Variants in GPATCH8 observed in about 807,000 individuals in gnomAD.
The protein encoded by GPATCH8 is G patch domain-containing protein 8.
A neutral mutation model predicts 118.3 loss-of-function variants in GPATCH8; 18 were observed. The ratio of observed to expected loss-of-function variants is 0.15; its 90% CI spans 0.11 to 0.23. GPATCH8 has a LOEUF of 0.23. Ranked by LOEUF, GPATCH8 falls within the 10% of genes least tolerant of loss-of-function variation. The probability of loss-of-function intolerance (pLI) is 1.00; values close to 1 mark genes in which losing one functional copy is unlikely to be tolerated. For missense variants in GPATCH8, 1,631 were observed against 1,873.8 expected, an observed-to-expected ratio of 0.87 and a Z score of 2.39; for synonymous variants, 659 against 684.7, an observed-to-expected ratio of 0.96 and a Z score of 0.59.
In GPATCH8 at chr17:44,398,024, T is replaced by C; in HGVS notation, c.4053A>G (p.Pro1351=). 1 of 1,614,012 alleles carries C rather than the reference T, an allele frequency of 6.2e-7. No homozygotes were observed. The highest frequency in any genetic ancestry group is 8.5e-7 in the Non-Finnish European group (1 of 1,179,920). The stretch of plus-strand genomic sequence containing the variant: ...GGATGGGTTGCAGGGCTGGTGTGGC[T>C]GGGGCCAGGGCAGCTGAGGCTGGAA... The part of the protein sequence containing the change: ...KAFPASAALA[P]ATPALQPIHI... The change falls in exon 8 of 8, where the codon CCA becomes CCG. Residue 1351 remains proline (P), a synonymous_variant. Coordinates refer to ENST00000591680, the MANE Select transcript of GPATCH8 (RefSeq NM_001002909.4).
chr17:44,483,801 T>A (rs1402262548), intron 1 of GPATCH8, among the ~76,000 whole-genome samples: 1 of 148,694 alleles, frequency 6.7e-6, no homozygotes, highest in Non-Finnish European at 1.5e-5. Context: ...ACTACCAGGC[T>A]CGGCTAATTT....
At chr17:44,501,333 C>A (rs1970049981) in intron 1 of GPATCH8, among the ~76,000 whole-genome samples, 1 of 151,832 alleles carries the variant, frequency 6.6e-6, no homozygotes, top group Admixed American at 6.6e-5. Context: ...AGAAGAATTG[C>A]TTGAACCCGG....
chr17:44,458,984 T>C (rs2051445568), intron 3 of GPATCH8, among the ~76,000 whole-genome samples: 1 of 152,232 alleles, frequency 6.6e-6, no homozygotes, highest in Non-Finnish European at 1.5e-5. Flanking sequence ...GGAATCTATG[T>C]GGGGTAAGGA....
rs149956556 is a variant in GPATCH8, at chr17:44,399,486, C to T, written c.2591G>A (p.Arg864His). ...SRSGRRHSSH[R>H]SSRRSYSSSS... Reference sequence around the variant, plus strand: ...ACTTGAGTAAGAACGCCGGGAGGAACGATGCGAGGAATGGCGCCGGCCAGA... The same window carrying T: ...ACTTGAGTAAGAACGCCGGGAGGAATGATGCGAGGAATGGCGCCGGCCAGA... The change falls in exon 8 of 8, where the codon CGT becomes CAT. Residue 864 changes from arginine (R) to histidine (H), a missense_variant. Arg to His is a conservative substitution (Grantham distance 29). Transcript: ENST00000591680. 1,829 of 1,614,200 alleles carry T rather than the reference C, an allele frequency of 1.1e-3. 41 individuals carry two copies. The Admixed American group carries it at 0.026, about 23-fold the overall frequency.
At chr17:44,432,727 T>A (rs1042252254) in intron 5 of GPATCH8, among the ~76,000 whole-genome samples, 4 of 152,022 alleles carry the variant, frequency 2.6e-5, no homozygotes, top group Non-Finnish European at 4.4e-5. Flanking sequence ...AGAAAAAATA[T>A]AGGAGAATAA....
At chr17:44,474,996 C>CT (rs960355933) in intron 1 of GPATCH8, 93 bp from the exon 2 acceptor site, 11,778 of 609,556 alleles carry the variant, frequency 0.019, 1 homozygote, top group Non-Finnish European at 0.022. Flanking sequence ...TTTAACTTTT[C>CT]TTTTTTTTTT....
At chr17:44,460,952 T>C (rs945396691) in intron 3 of GPATCH8, among the ~76,000 whole-genome samples, 38 of 152,352 alleles carry the variant, frequency 2.5e-4, no homozygotes, top group African/African-American at 8.2e-4. Context: ...TGTACACTGC[T>C]GAATCCGACA....
rs1598396699 is a variant in GPATCH8, at chr17:44,398,462, T to G, written c.3615A>C (p.Pro1205=). ...SEETTGPLLD[P]PPEESKSGEA... ...CTCCAGACTTTGACTCTTCTGGGGG[T>G]GGGTCTAATAAGGGGCCAGTTGTTT... The change falls in exon 8 of 8, where the codon CCA becomes CCC. Residue 1205 remains proline (P), a synonymous_variant. Coordinates refer to ENST00000591680, the MANE Select transcript of GPATCH8 (RefSeq NM_001002909.4). The G allele has an allele frequency of 6.2e-7, 1 of 1,611,562 alleles. No homozygotes were observed. The highest frequency in any genetic ancestry group is 1.1e-5 in the South Asian group (1 of 90,768).
chr17:44,441,412 T>G (rs1298489119), intron 3 of GPATCH8, among the ~76,000 whole-genome samples: 1 of 152,168 alleles, frequency 6.6e-6, no homozygotes, highest in Non-Finnish European at 1.5e-5. Flanking sequence ...AGAGATTCAA[T>G]ACAAACATTT....
chr17:44,426,510 G>C (rs2050093060), intron 5 of GPATCH8, among the ~76,000 whole-genome samples: 1 of 151,730 alleles, frequency 6.6e-6, no homozygotes, highest in Non-Finnish European at 1.5e-5. Flanking sequence ...AGGCTGAGGT[G>C]GGAGGACCAC....
intron 7 of GPATCH8, among the ~76,000 whole-genome samples, chr17:44,403,740 C>T (rs898823567): frequency 6.6e-6 from 1 of 150,554 alleles, no homozygotes; most frequent in Non-Finnish European, 1.5e-5. Flanking sequence ...GTTGCCCCGG[C>T]TGGAGTGCAA....
rs775196586 is a variant in GPATCH8, at chr17:44,399,188, G to A, written c.2889C>T (p.Ser963=). 1.2e-6 allele frequency: 2 copies of A among 1,612,836 alleles called. No individual in the cohort carries two copies. Among genetic ancestry groups the A allele is most frequent in the African/African-American group, 1.3e-5 (1 of 74,988 alleles). Residue 963 remains serine (S), a synonymous_variant, in exon 8 of 8, where the codon AGC becomes AGT. Transcript: ENST00000591680. ...RSRSRGRSRS[S]SCSRSRSKRR... ...GCTTGCTTCGACTACGACTACAACT[G>A]CTGCTGCGGCTGCGGCCCCGGGATC...
chr17:44,489,994 C>T (rs62078766), intron 1 of GPATCH8, among the ~76,000 whole-genome samples: 1 of 152,086 alleles, frequency 6.6e-6, no homozygotes, highest in Non-Finnish European at 1.5e-5. Context: ...ATCATACAAA[C>T]CACTTCGAGA....
chr17:44,469,982 G>A (rs1178847462), intron 2 of GPATCH8, among the ~76,000 whole-genome samples: 1 of 152,096 alleles, frequency 6.6e-6, no homozygotes, highest in Non-Finnish European at 1.5e-5. Context: ...CTTAAGATGC[G>A]CAAACTAAAC....
chr17:44,489,629 C>T (rs547214882), intron 1 of GPATCH8, among the ~76,000 whole-genome samples: 22 of 152,236 alleles, frequency 1.4e-4, no homozygotes, highest in Admixed American at 7.9e-4. Context: ...CGTGAGCCAC[C>T]GCCCCCAGCT....
intron 3 of GPATCH8, among the ~76,000 whole-genome samples, chr17:44,458,396 G>T (rs1349574272): frequency 6.6e-6 from 1 of 152,080 alleles, no homozygotes; most frequent in Non-Finnish European, 1.5e-5. Context: ...AATCTTACCA[G>T]GCTAACTTTG....
At chr17:44,457,283 T>A (rs2051371491) in intron 3 of GPATCH8, among the ~76,000 whole-genome samples, 1 of 152,254 alleles carries the variant, frequency 6.6e-6, no homozygotes, top group Non-Finnish European at 1.5e-5. Flanking sequence ...CACTCCTGTA[T>A]GCCCACAGAA....
chr17:44,484,036 T>A (rs571015048), intron 1 of GPATCH8, among the ~76,000 whole-genome samples: 1 of 152,190 alleles, frequency 6.6e-6, no homozygotes, highest in Non-Finnish European at 1.5e-5. Context: ...GAGACAGGGT[T>A]TCACTGTGTT....
At chr17:44,490,609 G>A (rs1969169516) in intron 1 of GPATCH8, among the ~76,000 whole-genome samples, 1 of 150,784 alleles carries the variant, frequency 6.6e-6, no homozygotes, top group Non-Finnish European at 1.5e-5. Flanking sequence ...TGCTGATCAG[G>A]AATTTAAGTT....
Sources: allele counts gnomAD v4.1 joint callset (sites outside exome capture counted in the v4.1 genomes callset), GRCh38; gene constraint gnomAD v4.1.1; transcripts MANE v1.5; gene names NCBI Gene and HGNC (gene_info 2026-07-23, HGNC 2026-07-21).